The following TBL1XR1 variants were observed in gnomAD, a reference collection of about 807,000 sequenced individuals.
TBL1XR1 encodes F-box-like/WD repeat-containing protein TBL1XR1.
A neutral mutation model predicts 66.9 loss-of-function variants in TBL1XR1; 5 were observed. That is an observed-to-expected ratio of 0.07 (90% CI 0.04 to 0.16). The LOEUF is 0.16. TBL1XR1 is among the 10% of genes least tolerant of loss of function. The probability of loss-of-function intolerance (pLI) is 1.00; values close to 1 mark genes in which losing one functional copy is unlikely to be tolerated. For synonymous variants in TBL1XR1, 210 were observed against 206.0 expected (o/e 1.02, Z -0.17); for missense variants, 238 against 623.2 (o/e 0.38, Z 6.58).
At chr3:177,051,482 A>G (rs761367603) in intron 5 of TBL1XR1, 22 bp downstream of exon 5, 1 of 1,560,014 alleles carries the variant, frequency 6.4e-7, no homozygotes, top group Admixed American at 2.2e-5. Context: ...GTAATTAAAA[A>G]AAAATTCTTG....
At chr3:177,195,168 A>G (rs1577461290) in intron 1 of TBL1XR1, among the ~76,000 whole-genome samples, 1 of 152,130 alleles carries the variant, frequency 6.6e-6, no homozygotes, top group South Asian at 2.1e-4. Flanking sequence ...GATTGCGATT[A>G]CATACATCTC....
intron 3 of TBL1XR1, 125 bp from the exon 4 acceptor site, chr3:177,054,043 G>GTC (rs1467711908): frequency 1.1e-6 from 1 of 942,446 alleles, no homozygotes; most frequent in African/African-American, 2.3e-5. Context: ...CCAGACGAAG[G>GTC]TCGTGTGTGT....
intron 1 of TBL1XR1, among the ~76,000 whole-genome samples, chr3:177,191,818 A>G (rs1451969982): frequency 6.6e-6 from 1 of 152,176 alleles, no homozygotes; most frequent in Non-Finnish European, 1.5e-5. Context: ...GTATTTAAAG[A>G]GTTTGCCTGG....
chr3:177,064,818 A>T (rs1165057773), intron 3 of TBL1XR1, 102 bp downstream of exon 3: 1 of 790,548 alleles, frequency 1.3e-6, no homozygotes, highest in African/African-American at 1.9e-5. Flanking sequence ...GAAAACATAC[A>T]AAGTTCAACG....
chr3:177,104,961 A>G (rs766722907), intron 1 of TBL1XR1, among the ~76,000 whole-genome samples: 6 of 152,222 alleles, frequency 3.9e-5, no homozygotes, highest in Non-Finnish European at 8.8e-5. Flanking sequence ...AGAGTTCTTA[A>G]AATTAAAGGT....
chr3:177,060,746 A>G (rs758850022), intron 3 of TBL1XR1, among the ~76,000 whole-genome samples: 3 of 152,244 alleles, frequency 2.0e-5, no homozygotes, highest in African/African-American at 7.2e-5. Flanking sequence ...CTCTAAAATT[A>G]ACACTGTATC....
chr3:177,055,074 T>C (rs1202697915), intron 3 of TBL1XR1, among the ~76,000 whole-genome samples: 2 of 152,354 alleles, frequency 1.3e-5, no homozygotes, highest in East Asian at 1.9e-4. Context: ...TAAACATTTA[T>C]ACTAAACAAA....
At chr3:177,070,453 T>A (rs1032186674) in intron 2 of TBL1XR1, among the ~76,000 whole-genome samples, 24 of 152,126 alleles carry the variant, frequency 1.6e-4, no homozygotes, top group African/African-American at 5.8e-4. Flanking sequence ...AGAAGATAGG[T>A]CATACTTCTG....
chr3:177,124,210 T>C (rs1727332008), intron 1 of TBL1XR1, among the ~76,000 whole-genome samples: 1 of 152,044 alleles, frequency 6.6e-6, no homozygotes, highest in Non-Finnish European at 1.5e-5. Flanking sequence ...TTTCCCTCAC[T>C]TTCCTTCCAA....
Position 177,129,437 on chromosome 3 carries a change from G to A in TBL1XR1, c.-121-30896C>T, listed in dbSNP as rs577878951. On this transcript the variant is annotated intron_variant, in intron 1 of 15. Transcript: ENST00000457928. Reference sequence around the variant, plus strand: ...AGATTTCACTGAGAACTTCTGATACGATTTGGATGAATCTCAGTAAAATAA... The same window carrying A: ...AGATTTCACTGAGAACTTCTGATACAATTTGGATGAATCTCAGTAAAATAA... Among the ~76,000 whole-genome samples, 91 of 152,308 alleles carry A rather than the reference G, an allele frequency of 6.0e-4. 1 individual carries two copies. The South Asian group carries it at 6.2e-3, about 10-fold the overall frequency.
chr3:177,088,444 C>T (rs1722424670), intron 2 of TBL1XR1, among the ~76,000 whole-genome samples: 1 of 152,150 alleles, frequency 6.6e-6, no homozygotes. Flanking sequence ...CAAGATATCT[C>T]ATTATAGATA....
intron 1 of TBL1XR1, among the ~76,000 whole-genome samples, chr3:177,156,389 C>T (rs1376360375): frequency 6.6e-6 from 1 of 151,364 alleles, no homozygotes; most frequent in Non-Finnish European, 1.5e-5. Context: ...ATCCCAGCTA[C>T]TCGGGAGGCT....
intron 1 of TBL1XR1, among the ~76,000 whole-genome samples, chr3:177,108,159 A>AT (rs1012377641): frequency 5.3e-5 from 8 of 152,176 alleles, no homozygotes; most frequent in South Asian, 2.1e-4. Context: ...TGAGGTAAAC[A>AT]TTTTTTTAAA....
intron 2 of TBL1XR1, among the ~76,000 whole-genome samples, chr3:177,067,123 C>T (rs1719269398): frequency 6.6e-6 from 1 of 152,150 alleles, no homozygotes; most frequent in Admixed American, 6.5e-5. Context: ...GTGCTCGGCA[C>T]ACATAGCAGG....
At chr3:177,116,725 T>C (rs555563221) in intron 1 of TBL1XR1, among the ~76,000 whole-genome samples, 17 of 152,334 alleles carry the variant, frequency 1.1e-4, no homozygotes, top group Admixed American at 1.1e-3. Flanking sequence ...TTCTCATCAG[T>C]AAAACAAGAT....
At position 177,023,891 on chromosome 3, in the gene TBL1XR1, A is replaced by T. The variant is rs903268390; in HGVS notation, c.*1607T>A. The T allele has an allele frequency of 9.2e-5, 14 of 152,196 alleles. No homozygotes were observed. The highest frequency in any genetic ancestry group is 3.4e-4 in the African/African-American group (14 of 41,560). 9.4% of individuals were successfully genotyped at this position (152,196 alleles called of 1,614,324 possible). A position where few individuals can be genotyped will look rare whatever the true frequency, so the allele number is the denominator to read the frequency against. On this transcript the variant is annotated 3_prime_UTR_variant, in exon 16 of 16. Transcript: ENST00000457928. ...CTTAATTAAAATCTTCGAGATATAA[A>T]TTTGATGACTATTCTCTTCAGAAAT... is the stretch of plus-strand genomic sequence containing the variant.
At chr3:177,156,939 T>C (rs1444391059) in intron 1 of TBL1XR1, among the ~76,000 whole-genome samples, 3 of 152,232 alleles carry the variant, frequency 2.0e-5, no homozygotes, top group Non-Finnish European at 4.4e-5. Flanking sequence ...AGATGATGAA[T>C]TACCACAAAC....
intron 2 of TBL1XR1, among the ~76,000 whole-genome samples, chr3:177,069,570 C>A (rs74848130): frequency 2.0e-5 from 3 of 149,762 alleles, no homozygotes; most frequent in Admixed American, 6.7e-5. Flanking sequence ...CCCATCTCTA[C>A]AAAAAAAAAT....
intron 1 of TBL1XR1, among the ~76,000 whole-genome samples, chr3:177,161,297 TAAG>T (rs1276562807): frequency 6.6e-6 from 1 of 152,208 alleles, no homozygotes; most frequent in Non-Finnish European, 1.5e-5. Context: ...TGCTACCCCT[TAAG>T]TTCTCTTTTC....
Sources: allele counts gnomAD v4.1 joint callset (sites outside exome capture counted in the v4.1 genomes callset), GRCh38; gene constraint gnomAD v4.1.1; transcripts MANE v1.5; gene names NCBI Gene and HGNC (gene_info 2026-07-23, HGNC 2026-07-21).